GPR108: variants seen among roughly 807,000 people sequenced by gnomAD.
The protein encoded by GPR108 is G protein-coupled receptor 108.
Under a neutral mutation model 74.3 loss-of-function variants are expected in GPR108, and 60 were observed. The observed-to-expected ratio is 0.81, with a 90% CI of 0.66 to 1.00. The LOEUF is 1.00. Among genes scored for constraint, GPR108 ranks in the 50% least tolerant of loss-of-function variants. GPR108 has a pLI of 0.00. For missense variants in GPR108, 667 were observed against 703.3 expected (o/e 0.95, Z 0.58); for synonymous variants, 311 against 292.4 (o/e 1.06, Z -0.65).
In GPR108 at chr19:6,735,392, TC is replaced by T. The variant is rs75537885; in HGVS notation, c.374+229del. The T allele has an allele frequency of 8.6e-3, 4,378 of 508,628 alleles. 85 individuals are homozygous for T. The highest frequency in any genetic ancestry group is 0.051 in the East Asian group (1,541 of 30,194). 31.5% of individuals were successfully genotyped at this position (508,628 alleles called of 1,614,324 possible). ...CTCAACATGTGCGAACAATTGTTATTCATTCTCACAACAACCCTCTGTATCC... is the reference window on the plus strand; with the variant it reads ...CTCAACATGTGCGAACAATTGTTATTATTCTCACAACAACCCTCTGTATCC... On this transcript the variant is annotated intron_variant, in intron 4 of 17. Transcript: ENST00000264080.
Position 6,730,370 on chromosome 19 carries a change from C to G in GPR108, c.1574G>C (p.Gly525Ala), listed in dbSNP as rs1319905260. ...GACTTTGGAGAGGCCTTCCCGGAAC[C>G]CAGAGTCCGTCATTCTGGGGGCAGA... ...VQMEQVMTDSGFREGLSKVNK... is the reference protein window; with the variant it reads ...VQMEQVMTDSAFREGLSKVNK... The change falls in exon 18 of 18, where the codon GGG (glycine) becomes GCG (alanine). Residue 525 changes from glycine (G) to alanine (A), a missense_variant. Coordinates refer to ENST00000264080, the MANE Select transcript of GPR108 (RefSeq NM_001080452.2). 2.4e-5 allele frequency: 39 copies of G among 1,613,340 alleles called. No homozygotes were observed. Among genetic ancestry groups the G allele is most frequent in the Non-Finnish European group, 3.2e-5 (38 of 1,179,866 alleles).
intron 17 of GPR108, chr19:6,730,592 C>T (rs1469340152): frequency 5.1e-6 from 3 of 584,252 alleles, no homozygotes; most frequent in Non-Finnish European, 9.2e-6. Flanking sequence ...CTAGGCCCCG[C>T]CCCCAGCAGC....
At chr19:6,736,075 G>A (rs924158636) in intron 2 of GPR108, 117 bp from the exon 3 acceptor site, 1 of 847,832 alleles carries the variant, frequency 1.2e-6, no homozygotes, top group East Asian at 2.7e-5. Context: ...ACATGTGCTA[G>A]ATCCCACACG....
Position 6,732,108 on chromosome 19 carries a change from G to A in GPR108, c.1173C>T (p.Gly391=), listed in dbSNP as rs375230406. The part of the protein sequence containing the change: ...AYIIIESREE[G]ASDYVLWKEI... ...CCTTCCACAGCACGTAGTCGCTGGC[G>A]CCTTCCTCGCGGGACTCGATGATGA... Residue 391 remains glycine, a synonymous_variant, in exon 13 of 18, where the codon GGC becomes GGT. Coordinates refer to ENST00000264080, the MANE Select transcript of GPR108 (RefSeq NM_001080452.2). The A allele has an allele frequency of 1.3e-3, 2,075 of 1,613,884 alleles. 3 individuals are homozygous for A. Among genetic ancestry groups the A allele is most frequent in the Non-Finnish European group, 1.7e-3 (1,999 of 1,180,000 alleles).
In GPR108 at chr19:6,732,499, G is replaced by C. The variant is rs186976974; in HGVS notation, c.984C>G (p.Ala328=). The C allele has an allele frequency of 6.2e-7, 1 of 1,613,910 alleles. No individual in the cohort carries two copies. The highest frequency in any genetic ancestry group is 1.1e-5 in the South Asian group (1 of 91,082). Residue 328 remains alanine (A), a synonymous_variant, in exon 11 of 18, where the codon GCC becomes GCG. Coordinates refer to ENST00000264080, the MANE Select transcript of GPR108 (RefSeq NM_001080452.2). ...NSQGHPIEGL[A]VMYYIAHLLK... The stretch of plus-strand genomic sequence containing the variant: ...ACAGGTGTGCGATGTAGTACATGAC[G>C]GCAAGGCCTTCGATGGGGTGGCCCT...
chr19:6,730,876 C>G, intron 17 of GPR108, 111 bp downstream of exon 17: 5 of 1,202,800 alleles, frequency 4.2e-6, no homozygotes, highest in Non-Finnish European at 5.8e-6. Context: ...TGCCCTAACA[C>G]TGCCCCCAGG....
rs375543362 is a variant in GPR108, at chr19:6,732,243, G to A, written c.1125+20C>T. ...TGTGCAGCCCTCCCCGCCCTGCTCC[G>A]GAGGCTGCTCCATCCGCACCTGCAT... On this transcript the variant is annotated intron_variant, in intron 12 of 17. Coordinates refer to ENST00000264080, the MANE Select transcript of GPR108 (RefSeq NM_001080452.2). The A allele has an allele frequency of 1.0e-4, 165 of 1,611,466 alleles. No individual in the cohort carries two copies. The highest frequency in any genetic ancestry group is 1.1e-4 in the Non-Finnish European group (133 of 1,179,842).
chr19:6,736,795 A>AGG (rs1568242336), intron 1 of GPR108, 84 bp from the exon 2 acceptor site: 1 of 1,590,804 alleles, frequency 6.3e-7, no homozygotes, highest in East Asian at 2.2e-5. Context: ...GACCTCCAGA[A>AGG]GGGCCTCCTG....
At chr19:6,735,571 C>T (rs1177296523) in intron 4 of GPR108, 51 bp downstream of exon 4, 6 of 1,517,274 alleles carry the variant, frequency 4.0e-6, no homozygotes, top group African/African-American at 1.4e-5. Context: ...GGGCATCACA[C>T]CAGGGAAACG....
In GPR108 at chr19:6,733,232, T is replaced by C. The variant is rs757757099; in HGVS notation, c.793A>G (p.Met265Val). 1.6e-5 allele frequency: 26 copies of C among 1,613,774 alleles called. No individual in the cohort carries two copies. The highest frequency in any genetic ancestry group is 8.8e-5 in the South Asian group (8 of 91,078). The part of the protein sequence containing the change: ...AAEMPLFKLY[M>V]VMSACFLAAG... ...GCCAGGAAGCAGGCGGACATGACCA[T>C]GTAGAGCTTGAAAAGGGGCATCTCC... The change falls in exon 9 of 18, where the codon ATG (methionine) becomes GTG (valine). Residue 265 changes from methionine (M) to valine (V), a missense_variant. Coordinates refer to ENST00000264080, the MANE Select transcript of GPR108 (RefSeq NM_001080452.2).
At chr19:6,737,113 C>A (rs905191043) in intron 1 of GPR108, 2 of 391,226 alleles carry the variant, frequency 5.1e-6, no homozygotes, top group East Asian at 5.2e-5. Flanking sequence ...TATAGCCCCC[C>A]AGGACCCCGC....
rs370383102 is a variant in GPR108 at position 6,731,931 on chromosome 19, G to A, written c.1260C>T (p.Ser420=). 414 of 1,612,918 alleles carry A rather than the reference G, an allele frequency of 2.6e-4. No homozygotes were observed. The highest frequency in any genetic ancestry group is 3.3e-4 in the Non-Finnish European group (395 of 1,179,820). ...CAGACGCATCCTGGAGATGCCGGAT[G>A]GACCTGGGACAAGTGGAGGACACAG... ...CGAILFPVVW[S]IRHLQDASGT... The change falls in exon 14 of 18, where the codon TCC becomes TCT. Residue 420 remains serine (S), a synonymous_variant. Coordinates refer to ENST00000264080, the MANE Select transcript of GPR108 (RefSeq NM_001080452.2).
chr19:6,730,760 C>G (rs2145458282), intron 17 of GPR108, among the ~76,000 whole-genome samples: 1 of 151,340 alleles, frequency 6.6e-6, no homozygotes, highest in South Asian at 2.1e-4. Flanking sequence ...TAACCCCACC[C>G]CTAGCTCAGC....
Position 6,736,707 on chromosome 19 carries a change from T to C in GPR108, c.125A>G (p.Glu42Gly). 1 of 1,613,860 alleles carries C rather than the reference T, an allele frequency of 6.2e-7. No individual in the cohort carries two copies. The highest frequency in any genetic ancestry group is 8.5e-7 in the Non-Finnish European group (1 of 1,179,892). ...GRIHQLALTG[E>G]KRADIQLNSF... ...GTTCAGCTGGATGTCCGCTCGCTTC[T>C]CCCCCTGCCGGAGACCAAGGAGGCA... Residue 42 changes from glutamate to glycine, a missense_variant, in exon 2 of 18, where the codon GAG becomes GGG. Transcript: ENST00000264080.
rs1474023307 is a variant in GPR108 at position 6,733,493 on chromosome 19, A to AG, written c.723+76dup. On this transcript the variant is annotated intron_variant, in intron 8 of 17. Transcript: ENST00000264080. ...CACCCGGGAGGGCTGGGAAAAGCTA[A>AG]GCGGGGTGAGGCACTCTGGGCCCGC... 6.8e-6 allele frequency: 10 copies of AG among 1,479,390 alleles called. No homozygotes were observed. The African/African-American group carries it at 6.9e-5, about 10-fold the overall frequency. The allele number at this position is 1,479,390 out of a possible 1,614,324, so 91.6% of individuals were successfully genotyped here.
chr19:6,733,307 G>A lies in GPR108; in HGVS notation c.724-6C>T. On this transcript the variant is annotated splice_polypyrimidine_tract_variant and splice_region_variant and intron_variant, in intron 8 of 17. Coordinates refer to ENST00000264080, the MANE Select transcript of GPR108 (RefSeq NM_001080452.2). The stretch of plus-strand genomic sequence containing the variant: ...TTCTTCTCCCGGATCATCACCTGCG[G>A]AGGGGGCAGTGGTGGGCGGCGGCAG... The A allele has an allele frequency of 1.2e-6, 2 of 1,613,140 alleles. No homozygotes were observed. The highest frequency in any genetic ancestry group is 1.7e-6 in the Non-Finnish European group (2 of 1,179,574).
At chr19:6,736,077 T>G (rs1332060117) in intron 2 of GPR108, 119 bp from the exon 3 acceptor site, 1 of 835,998 alleles carries the variant, frequency 1.2e-6, no homozygotes, top group Non-Finnish European at 1.9e-6. Context: ...ATGTGCTAGA[T>G]CCCACACGCT....
chr19:6,735,952 A>G lies in GPR108; in HGVS notation c.247T>C (p.Phe83Leu), dbSNP rs1200119624. 6.2e-7 allele frequency: 1 copy of G among 1,608,898 alleles called. No homozygotes were observed. ...CCAGACCGAACCCGGCTGAGACTGA[A>G]CCCCACCTGGTGGGTGGAAAAAAAA... ...EAEEKSLLVG[F>L]SLSRVRSGRV... is the part of the protein sequence containing the mutation. The change falls in exon 3 of 18, where the codon TTC (phenylalanine) becomes CTC (leucine). Residue 83 changes from phenylalanine to leucine, a missense_variant. Physicochemically the swap from Phe to Leu is conservative, Grantham distance 22. Transcript: ENST00000264080.
chr19:6,735,874 C>T, intron 3 of GPR108, 34 bp downstream of exon 3: 1 of 1,604,974 alleles, frequency 6.2e-7, no homozygotes, highest in Non-Finnish European at 8.5e-7. Context: ...TCCCTCCAGC[C>T]CCTTCTCCCG....
Sources: gnomAD v4.1 joint callset for allele counts (sites outside exome capture counted in the v4.1 genomes callset) on GRCh38, gnomAD v4.1.1 for gene constraint, MANE v1.5 for transcripts, NCBI Gene and HGNC (gene_info 2026-07-23, HGNC 2026-07-21) for gene names.